ZNF718: variants seen among roughly 807,000 people sequenced by gnomAD.
ZNF718 encodes zinc finger protein 718.
A neutral mutation model predicts 2.6 loss-of-function variants in ZNF718; 3 were observed. The ratio of observed to expected loss-of-function variants is 1.16; its 90% confidence interval spans 0.53 to 3.01. The LOEUF (loss-of-function observed/expected upper bound fraction) is 3.01. Among genes scored for constraint, ZNF718 ranks in the 30% most tolerant of loss-of-function variants. ZNF718 has a pLI of 0.03. For synonymous variants in ZNF718, 135 were observed against 77.9 expected, an observed-to-expected ratio of 1.73 and a Z score of -3.86; for missense variants, 468 against 230.0, an observed-to-expected ratio of 2.03 and a Z score of -6.69.
At chr4:150,752 T>A (rs1716280210) in intron 3 of ZNF718, among the ~76,000 whole-genome samples, 1 of 152,198 alleles carries the variant, frequency 6.6e-6, no homozygotes, top group Admixed American at 6.5e-5. Flanking sequence ...TTGTTTTTTT[T>A]AGCTACAAAG....
At chr4:171,645 G>A (rs187680141) in intron 3 of ZNF718, among the ~76,000 whole-genome samples, 150 of 152,320 alleles carry the variant, frequency 9.8e-4, no homozygotes, top group African/African-American at 3.5e-3. Context: ...CTCTGAGCCA[G>A]GCATGGGATA....
downstream of ZNF718, among the ~76,000 whole-genome samples, chr4:169,028 GTCCCAGAGATT>G (rs1717162139): frequency 6.6e-6 from 1 of 152,150 alleles, no homozygotes; most frequent in South Asian, 2.1e-4. Flanking sequence ...CTTTGAATGT[GTCCCAGAGATT>G]CTGGTATGTT....
At chr4:173,676 A>G (rs571259052) in intron 3 of ZNF718, among the ~76,000 whole-genome samples, 15 of 152,300 alleles carry the variant, frequency 9.8e-5, no homozygotes, top group Non-Finnish European at 1.8e-4. Context: ...CTGTCCACCT[A>G]CTACAAAAGT....
chr4:143,410 A>G (rs782062405), intron 3 of ZNF718, among the ~76,000 whole-genome samples: 4 of 151,540 alleles, frequency 2.6e-5, no homozygotes, highest in Non-Finnish European at 4.4e-5. Context: ...CTGATCTTGA[A>G]CTCCTGACCT....
intron 3 of ZNF718, among the ~76,000 whole-genome samples, chr4:186,665 G>A (rs1199692032): frequency 6.6e-6 from 1 of 152,086 alleles, no homozygotes; most frequent in African/African-American, 2.4e-5. Context: ...CAGTCTTCAA[G>A]CTCTGTGATG....
At position 161,622 on chromosome 4, in the gene ZNF718, T is replaced by A. The variant is rs368974434; in HGVS notation, c.937T>A (p.Cys313Ser). The A allele has an allele frequency of 6.4e-6, 5 of 780,374 alleles. No homozygotes were observed. The African/African-American group carries it at 6.8e-5, about 11-fold the overall frequency. 48.3% of individuals were successfully genotyped at this position (780,374 alleles called of 1,614,324 possible). ...RIHAGEKPFS[C>S]EECGNVFTTS... ...TCATGCTGGAGAGAAACCCTTCTCA[T>A]GCGAAGAATGTGGCAATGTCTTTAC... The change falls in exon 4 of 4, where the codon TGC (cysteine) becomes AGC (serine). Residue 313 changes from cysteine (C) to serine (S), a missense_variant. Coordinates refer to ENST00000510175, the MANE Select transcript of ZNF718 (RefSeq NM_001039127.6).
At chr4:149,917 TG>T (rs1716240729) in intron 3 of ZNF718, 1 of 152,126 alleles carries the variant, frequency 6.6e-6, no homozygotes, top group Non-Finnish European at 1.5e-5. Flanking sequence ...CATTTTCAAT[TG>T]TACGGTCTAG....
chr4:193,076 TA>T, intron 3 of ZNF718, among the ~76,000 whole-genome samples: 1 of 152,312 alleles, frequency 6.6e-6, no homozygotes, highest in Middle Eastern at 3.4e-3. Flanking sequence ...GGGAGGAAAC[TA>T]TGTCCTTGTG....
intron 3 of ZNF718, among the ~76,000 whole-genome samples, chr4:197,472 A>T (rs782600490): frequency 6.6e-6 from 1 of 152,184 alleles, no homozygotes; most frequent in African/African-American, 2.4e-5. Context: ...ACTGCAAAAG[A>T]TAGAGAATTG....
At chr4:132,415 C>T (rs1198109507) in intron 3 of ZNF718, among the ~76,000 whole-genome samples, 2 of 104,434 alleles carry the variant, frequency 1.9e-5, no homozygotes, top group African/African-American at 6.6e-5. Flanking sequence ...CAAAGGGCTA[C>T]ATGATCTGAC....
chr4:179,405 A>C (rs1581478078), intron 3 of ZNF718, among the ~76,000 whole-genome samples: 1 of 152,224 alleles, frequency 6.6e-6, no homozygotes, highest in African/African-American at 2.4e-5. Context: ...GATTTTATCA[A>C]ATATCTCTGT....
intron 3 of ZNF718, among the ~76,000 whole-genome samples, chr4:171,645 G>T (rs187680141): frequency 1.8e-4 from 27 of 152,320 alleles, no homozygotes; most frequent in Admixed American, 3.3e-4. Context: ...CTCTGAGCCA[G>T]GCATGGGATA....
chr4:127,070 G>A lies in ZNF718; in HGVS notation c.3+2397G>A, dbSNP rs142521462. Among the ~76,000 whole-genome samples, 338 of 152,000 alleles carry A rather than the reference G, an allele frequency of 2.2e-3. 7 individuals are homozygous for A. The East Asian group carries it at 0.056, about 25-fold the overall frequency. On this transcript the variant is annotated intron_variant, in intron 1 of 3. Transcript: ENST00000510175. The stretch of plus-strand genomic sequence containing the variant: ...CCATCTTCTGACCTCATGATCCACC[G>A]GCCTTGGCCTCCCAAAGTGCTGGGA...
rs566689426 is a variant in ZNF718, at chr4:162,217, A to G, written c.*95A>G. The G allele has an allele frequency of 1.9e-5, 11 of 586,796 alleles. No individual in the cohort carries two copies. The highest frequency in any genetic ancestry group is 9.3e-5 in the African/African-American group (5 of 53,904). The allele number at this position is 586,796 out of a possible 1,614,324, so 36.3% of individuals were successfully genotyped here. A position where few individuals can be genotyped will look rare whatever the true frequency, so the allele number is the denominator to read the frequency against. Reference sequence around the variant, plus strand: ...AACTCTACACATGAAAAAATTGACAAAGCTTTTAACCGCAACTCAATCTGT... The same window carrying G: ...AACTCTACACATGAAAAAATTGACAGAGCTTTTAACCGCAACTCAATCTGT... On this transcript the variant is annotated 3_prime_UTR_variant, in exon 4 of 4. Coordinates refer to ENST00000510175, the MANE Select transcript of ZNF718 (RefSeq NM_001039127.6).
chr4:177,019 C>G (rs570963612), intron 3 of ZNF718, among the ~76,000 whole-genome samples: 2 of 152,328 alleles, frequency 1.3e-5, no homozygotes, highest in South Asian at 4.1e-4. Flanking sequence ...AACATACACT[C>G]TGGCTTACCT....
intron 3 of ZNF718, among the ~76,000 whole-genome samples, chr4:182,034 A>G (rs1717475660): frequency 6.6e-6 from 1 of 152,084 alleles, no homozygotes; most frequent in African/African-American, 2.4e-5. Flanking sequence ...CATGGTGTTT[A>G]TGTATCACAT....
downstream of ZNF718, among the ~76,000 whole-genome samples, chr4:168,011 T>G (rs548331605): frequency 6.6e-5 from 10 of 152,308 alleles, no homozygotes; most frequent in African/African-American, 2.4e-4. Flanking sequence ...TCTTATTATT[T>G]TAAGATATGT....
At chr4:189,356 A>G (rs1411259578) in intron 3 of ZNF718, among the ~76,000 whole-genome samples, 1 of 152,164 alleles carries the variant, frequency 6.6e-6, no homozygotes, top group African/African-American at 2.4e-5. Context: ...ACTGTAAAGT[A>G]TGTGTACTTG....
intron 3 of ZNF718, among the ~76,000 whole-genome samples, chr4:191,886 T>C (rs1041980908): frequency 1.3e-5 from 2 of 152,162 alleles, no homozygotes; most frequent in Non-Finnish European, 2.9e-5. Context: ...CTTGGCCTCA[T>C]GGATTCCAAG....
Sources: gnomAD v4.1 joint callset for allele counts (sites outside exome capture counted in the v4.1 genomes callset) on GRCh38, gnomAD v4.1.1 for gene constraint, MANE v1.5 for transcripts, NCBI Gene and HGNC (gene_info 2026-07-23, HGNC 2026-07-21) for gene names.